The following SPEF2 variants were observed in gnomAD, a reference collection of about 807,000 sequenced individuals.
SPEF2 encodes sperm flagellar and cilia associated 2.
Under a neutral mutation model 224.6 loss-of-function variants are expected in SPEF2, and 187 were observed. That is an observed-to-expected ratio of 0.83 (90% confidence interval 0.74 to 0.94). SPEF2 has a LOEUF of 0.94. SPEF2 is among the 40% of genes least tolerant of loss of function. The pLI is 0.00. For synonymous variants in SPEF2, 715 were observed against 707.3 expected, an observed-to-expected ratio of 1.01 and a Z score of -0.17; for missense variants, 2,170 against 2,135.6, an observed-to-expected ratio of 1.02 and a Z score of -0.32.
chr5:35,704,808 A>G (rs1032521339), intron 17 of SPEF2, 146 bp downstream of exon 17: 1 of 615,324 alleles, frequency 1.6e-6, no homozygotes, highest in Non-Finnish European at 2.9e-6. Context: ...AGTTTTGACA[A>G]TAAGTGAAAT....
chr5:35,791,684 C>A (rs930971194), intron 30 of SPEF2: 2 of 152,018 alleles, frequency 1.3e-5, no homozygotes, highest in Non-Finnish European at 2.9e-5. Context: ...AAGTGAAAAA[C>A]AAGGTAGACA....
intron 19 of SPEF2, among the ~76,000 whole-genome samples, chr5:35,711,923 G>A (rs1271078086): frequency 6.6e-6 from 1 of 152,144 alleles, no homozygotes; most frequent in African/African-American, 2.4e-5. Flanking sequence ...CAGGACCAGG[G>A]AGGAAAATAA....
rs931850023 is a variant in SPEF2, at chr5:35,728,333, C to T, written c.3063+510C>T. 4.6e-5 allele frequency among the ~76,000 whole-genome samples: 7 copies of T among 152,178 alleles called. No homozygotes were observed. The East Asian group carries it at 7.7e-4, about 17-fold the overall frequency. ...AAGGCAAGGAGATGTCCCAGAGGAG[C>T]GCTGAAAGCTCCGCCTAGCTCAACT... On this transcript the variant is annotated intron_variant, in intron 21 of 36. Transcript: ENST00000356031.
At chr5:35,810,982 T>A (rs1211360652) in intron 36 of SPEF2, among the ~76,000 whole-genome samples, 2 of 152,106 alleles carry the variant, frequency 1.3e-5, no homozygotes, top group African/African-American at 4.8e-5. Flanking sequence ...CTCATTTGTA[T>A]GATGGTCCAT....
intron 20 of SPEF2, among the ~76,000 whole-genome samples, chr5:35,718,627 T>C (rs2149624923): frequency 6.6e-6 from 1 of 152,256 alleles, no homozygotes; most frequent in East Asian, 1.9e-4. Context: ...AGAATAGGAA[T>C]TATCTCCTCT....
At chr5:35,795,642 T>C in intron 32 of SPEF2, 61 bp from the exon 33 acceptor site, 1 of 1,487,816 alleles carries the variant, frequency 6.7e-7, no homozygotes, top group Non-Finnish European at 9.2e-7. Context: ...TCTGTGGCTT[T>C]TAGAGGAACA....
In SPEF2 at chr5:35,799,949, G is replaced by A; in HGVS notation, c.4831-19G>A. 6.2e-7 allele frequency: 1 copy of A among 1,613,034 alleles called. No individual in the cohort carries two copies. Among genetic ancestry groups the A allele is most frequent in the South Asian group, 1.1e-5 (1 of 90,948 alleles). ...TGAGAGTGCACCCATTTTATCTTTG[G>A]AATTCTTTTTGTGTGCAGTTTTTCT... On this transcript the variant is annotated intron_variant, in intron 33 of 36. Transcript: ENST00000356031.
Position 35,667,221 on chromosome 5 carries a change from G to T in SPEF2, c.1317G>T (p.Leu439Phe), listed in dbSNP as rs571409302. 2.0e-5 allele frequency: 32 copies of T among 1,605,388 alleles called. No homozygotes were observed. The South Asian group carries it at 3.6e-4, about 18-fold the overall frequency. ...AAATTTTGGATCAAATAGTTGATTT[G>T]TCCACTAAAGTGGCAGACTATCGAA... Reference protein sequence around the residue: ...CAEILDQIVDLSTKVADYRML... With the variant: ...CAEILDQIVDFSTKVADYRML... The change falls in exon 9 of 37, where the codon TTG becomes TTT. Residue 439 changes from leucine to phenylalanine, a missense_variant. Leu to Phe is a conservative substitution (Grantham distance 22, BLOSUM62 0). Coordinates refer to ENST00000356031, the MANE Select transcript of SPEF2 (RefSeq NM_024867.4).
chr5:35,632,290 G>A (rs1370177805), intron 2 of SPEF2, among the ~76,000 whole-genome samples: 1 of 152,214 alleles, frequency 6.6e-6, no homozygotes, highest in East Asian at 1.9e-4. Flanking sequence ...GAGGCCTCAG[G>A]AAACTTACAA....
rs117047330 is a variant in SPEF2 at position 35,679,311 on chromosome 5, T to C, written c.1524+9084T>C. Among the ~76,000 whole-genome samples, 29 of 152,298 alleles carry C rather than the reference T, an allele frequency of 1.9e-4. No individual in the cohort carries two copies. In the East Asian group the frequency reaches 5.4e-3, roughly 28 times the overall value. On this transcript the variant is annotated intron_variant, in intron 10 of 36. Coordinates refer to ENST00000356031, the MANE Select transcript of SPEF2 (RefSeq NM_024867.4). ...AAGACAGTCAAGATAATTTCCCTGATGTGGCCAGAAACAGGAAGAGACAGA... is the reference window on the plus strand; with the variant it reads ...AAGACAGTCAAGATAATTTCCCTGACGTGGCCAGAAACAGGAAGAGACAGA...
intron 10 of SPEF2, among the ~76,000 whole-genome samples, chr5:35,674,337 C>CTTTTTTTTTTT (rs35129181): frequency 3.2e-5 from 3 of 94,458 alleles, no homozygotes; most frequent in East Asian, 3.4e-4. Flanking sequence ...TTTTCGTCTT[C>CTTTTTTTTTTT]TTTTTTTTTT....
chr5:35,769,799 C>A (rs1235634280), intron 26 of SPEF2, among the ~76,000 whole-genome samples: 10 of 152,088 alleles, frequency 6.6e-5, no homozygotes. Context: ...CTGTAATAGT[C>A]TTTGAGGGTA....
intron 16 of SPEF2, among the ~76,000 whole-genome samples, chr5:35,702,909 G>A (rs1040338358): frequency 1.3e-5 from 2 of 152,056 alleles, no homozygotes; most frequent in East Asian, 3.9e-4. Flanking sequence ...GGACTGAAAT[G>A]TGTCCTTTGG....
chr5:35,727,949 A>T (rs568151876), intron 21 of SPEF2, 126 bp downstream of exon 21: 355 of 1,023,788 alleles, frequency 3.5e-4, no homozygotes, highest in Non-Finnish European at 4.3e-4. Flanking sequence ...TCCATCTGAG[A>T]TTTTTTTTAG....
chr5:35,811,221 A>G (rs909381813), intron 36 of SPEF2, among the ~76,000 whole-genome samples: 1 of 152,178 alleles, frequency 6.6e-6, no homozygotes, highest in Non-Finnish European at 1.5e-5. Flanking sequence ...GTACAAGTAA[A>G]TAGATCACAT....
At chr5:35,712,984 A>T in intron 20 of SPEF2, 98 bp downstream of exon 20, 1 of 1,061,278 alleles carries the variant, frequency 9.4e-7, no homozygotes, top group Non-Finnish European at 1.4e-6. Context: ...TACATTGACC[A>T]CTTCTCTCAG....
At chr5:35,744,384 C>A (rs560983373) in intron 23 of SPEF2, among the ~76,000 whole-genome samples, 1 of 152,298 alleles carries the variant, frequency 6.6e-6, no homozygotes, top group East Asian at 1.9e-4. Context: ...AAGTGCATAA[C>A]AAAACCTCAT....
chr5:35,735,102 G>T (rs1207674356), intron 21 of SPEF2, among the ~76,000 whole-genome samples: 2 of 152,006 alleles, frequency 1.3e-5, no homozygotes, highest in Admixed American at 6.6e-5. Context: ...CTTCTTCACT[G>T]TTTCCTATCT....
At chr5:35,647,725 CT>C (rs202109699) in intron 5 of SPEF2, among the ~76,000 whole-genome samples, 3,125 of 152,198 alleles carry the variant, frequency 0.021, 124 homozygotes, top group African/African-American at 0.072. Flanking sequence ...TATGCCATTC[CT>C]ACTATATGCT....
Sources: allele counts gnomAD v4.1 joint callset (sites outside exome capture counted in the v4.1 genomes callset), GRCh38; gene constraint gnomAD v4.1.1; transcripts MANE v1.5; gene names NCBI Gene and HGNC (gene_info 2026-07-23, HGNC 2026-07-21).